NHLRC2: variants seen among roughly 807,000 people sequenced by gnomAD.
NHLRC2 encodes the protein NHL repeat-containing protein 2.
In NHLRC2, 33 loss-of-function variants were observed where a neutral mutation model predicts 68.1. The observed-to-expected ratio is 0.48, with a 90% confidence interval of 0.37 to 0.65. The LOEUF (loss-of-function observed/expected upper bound fraction) is 0.65. Among genes scored for constraint, NHLRC2 ranks in the 30% least tolerant of loss-of-function variants. The pLI is 0.00. For synonymous variants in NHLRC2, 311 were observed against 309.6 expected, an observed-to-expected ratio of 1.00 and a Z score of -0.05; for missense variants, 761 against 853.8, an observed-to-expected ratio of 0.89 and a Z score of 1.35.
chr10:113,855,227 C>T (rs1337253360), intron 1 of NHLRC2, among the ~76,000 whole-genome samples, 177 bp downstream of exon 1: 1 of 152,234 alleles, frequency 6.6e-6, no homozygotes, highest in Non-Finnish European at 1.5e-5. Flanking sequence ...GGTCCCCAAG[C>T]GGCCACCGAC....
At chr10:113,880,715 A>G (rs906936402) in intron 4 of NHLRC2, among the ~76,000 whole-genome samples, 3 of 151,962 alleles carry the variant, frequency 2.0e-5, no homozygotes, top group South Asian at 2.1e-4. Context: ...TGTTTTGTCT[A>G]CTACTGAATC....
At chr10:113,879,939 C>A (rs1467579849) in intron 4 of NHLRC2, among the ~76,000 whole-genome samples, 1 of 151,852 alleles carries the variant, frequency 6.6e-6, no homozygotes, top group African/African-American at 2.4e-5. Flanking sequence ...AGGCTGTGTC[C>A]CTAATCACTC....
chr10:113,897,615 C>T (rs1166789483), intron 5 of NHLRC2, among the ~76,000 whole-genome samples: 1 of 152,132 alleles, frequency 6.6e-6, no homozygotes, highest in Non-Finnish European at 1.5e-5. Flanking sequence ...TGTTCATTTT[C>T]GTAGTCCCGG....
At chr10:113,881,864 C>T (rs538789965) in intron 4 of NHLRC2, among the ~76,000 whole-genome samples, 23 of 151,840 alleles carry the variant, frequency 1.5e-4, no homozygotes, top group African/African-American at 4.8e-4. Flanking sequence ...AGTCCCTGTC[C>T]CCTCCCATCC....
At position 113,913,134 on chromosome 10, in the gene NHLRC2, C is replaced by CA. The variant is rs1846345293; in HGVS notation, c.*4599dup. 6.6e-6 allele frequency: 1 copy of CA among 152,146 alleles called. No individual in the cohort carries two copies. The highest frequency in any genetic ancestry group is 6.5e-5 in the Admixed American group (1 of 15,268). 9.4% of individuals were successfully genotyped at this position (152,146 alleles called of 1,614,324 possible). A position where few individuals can be genotyped will look rare whatever the true frequency, so the allele number is the denominator to read the frequency against. On this transcript the variant is annotated 3_prime_UTR_variant, in exon 11 of 11. Transcript: ENST00000369301. Reference sequence around the variant, plus strand: ...CTTATTTGATTGGTGAAGAAGCACACAGAGAGGGTAAGCATAATCAAATAC... The same window carrying CA: ...CTTATTTGATTGGTGAAGAAGCACACAAGAGAGGGTAAGCATAATCAAATAC...
At chr10:113,882,772 G>A (rs951490841) in intron 4 of NHLRC2, among the ~76,000 whole-genome samples, 1 of 151,776 alleles carries the variant, frequency 6.6e-6, no homozygotes, top group East Asian at 1.9e-4. Flanking sequence ...CTAAATCCAA[G>A]GTCATAATTA....
intron 6 of NHLRC2, among the ~76,000 whole-genome samples, chr10:113,899,368 G>A: frequency 6.6e-6 from 1 of 152,282 alleles, no homozygotes. Flanking sequence ...ATAGAAAGCT[G>A]CTTTTATATA....
intron 5 of NHLRC2, among the ~76,000 whole-genome samples, chr10:113,884,998 T>G (rs1260328729): frequency 6.6e-6 from 1 of 151,810 alleles, no homozygotes; most frequent in East Asian, 1.9e-4. Flanking sequence ...TTTTATTGGC[T>G]CTCAGTGATA....
In NHLRC2 at chr10:113,902,548, C is replaced by T. The variant is rs753750416; in HGVS notation, c.1449C>T (p.Asp483=). Residue 483 remains aspartate, a synonymous_variant, in exon 8 of 11, where the codon GAC becomes GAT. Coordinates refer to ENST00000369301, the MANE Select transcript of NHLRC2 (RefSeq NM_198514.4). ...AACACCCCCTTGGAGTAACATGGGA[C>T]AAAAAAAGGAATTTACTTTATGTTG... The part of the protein sequence containing the change: ...KLQHPLGVTW[D]KKRNLLYVAD... The T allele has an allele frequency of 6.2e-7, 1 of 1,606,354 alleles. No homozygotes were observed. Among genetic ancestry groups the T allele is most frequent in the Non-Finnish European group, 8.5e-7 (1 of 1,175,882 alleles).
rs1191371574 is a variant in NHLRC2, at chr10:113,912,684, A to C, written c.*4148A>C. 6.6e-6 allele frequency: 1 copy of C among 152,198 alleles called. No individual in the cohort carries two copies. Among genetic ancestry groups the C allele is most frequent in the African/African-American group, 2.4e-5 (1 of 41,438 alleles). 9.4% of individuals were successfully genotyped at this position (152,198 alleles called of 1,614,324 possible). On this transcript the variant is annotated 3_prime_UTR_variant, in exon 11 of 11. Transcript: ENST00000369301. ...GCTTTCATGTGTATTGCCTCATTTG[A>C]GCTTCAAATAACCTTATAAATCGGG...
chr10:113,858,732 A>G (rs750803668), intron 2 of NHLRC2, 52 bp downstream of exon 2: 16 of 1,343,138 alleles, frequency 1.2e-5, no homozygotes, highest in Non-Finnish European at 1.6e-5. Flanking sequence ...TAGTCACTGG[A>G]AGAGTGGCTG....
Position 113,884,379 on chromosome 10 carries a change from A to G in NHLRC2, c.1038A>G (p.Ser346=), listed in dbSNP as rs1335105753. 7 of 1,606,102 alleles carry G rather than the reference A, an allele frequency of 4.4e-6. No homozygotes were observed. The Admixed American group carries it at 1.2e-4, about 27-fold the overall frequency. The change falls in exon 5 of 11, where the codon TCA becomes TCG. Residue 346 remains serine (S), a splice_region_variant and synonymous_variant. Transcript: ENST00000369301. Reference sequence around the variant, plus strand: ...CTTGGGATGTAGTTTTTGGAACATCAGGTATGTGAACTTTTGATATTAAAT... The same window carrying G: ...CTTGGGATGTAGTTTTTGGAACATCGGGTATGTGAACTTTTGATATTAAAT... ...SSPWDVVFGT[S]GSEVQRGDIL...
At chr10:113,861,881 AT>A (rs375434447) in intron 2 of NHLRC2, among the ~76,000 whole-genome samples, 14 of 149,588 alleles carry the variant, frequency 9.4e-5, no homozygotes, top group African/African-American at 1.5e-4. Flanking sequence ...TTTTCTATGT[AT>A]TTTTTTTTTG....
rs1022130208 is a variant in NHLRC2 at position 113,908,819 on chromosome 10, A to G, written c.*283A>G. ...TTGGCACAAGACTGAAGTTCACACTACAGTAGAGAATACTATAAGATAATT... is the reference window on the plus strand; with the variant it reads ...TTGGCACAAGACTGAAGTTCACACTGCAGTAGAGAATACTATAAGATAATT... On this transcript the variant is annotated 3_prime_UTR_variant, in exon 11 of 11. Coordinates refer to ENST00000369301, the MANE Select transcript of NHLRC2 (RefSeq NM_198514.4). The G allele has an allele frequency of 2.6e-6, 1 of 387,010 alleles. No individual in the cohort carries two copies. Among genetic ancestry groups the G allele is most frequent in the African/African-American group, 2.0e-5 (1 of 49,652 alleles). 24.0% of individuals were successfully genotyped at this position (387,010 alleles called of 1,614,324 possible).
chr10:113,915,182 G>A lies in NHLRC2; in HGVS notation c.*6646G>A, dbSNP rs1388983813. The A allele has an allele frequency of 6.6e-6, 3 of 456,172 alleles. No individual in the cohort carries two copies. The highest frequency in any genetic ancestry group is 6.9e-5 in the East Asian group (1 of 14,414). The allele number at this position is 456,172 out of a possible 1,614,324, so 28.3% of individuals were successfully genotyped here. ...CTTCACTGGCATGTCGCTTTCAAGT[G>A]TACCAAAGGACATTTTGTTCTGTTG... On this transcript the variant is annotated 3_prime_UTR_variant, in exon 11 of 11. Coordinates refer to ENST00000369301, the MANE Select transcript of NHLRC2 (RefSeq NM_198514.4).
chr10:113,883,651 T>G (rs1846055692), intron 4 of NHLRC2, among the ~76,000 whole-genome samples: 1 of 151,856 alleles, frequency 6.6e-6, no homozygotes, highest in African/African-American at 2.4e-5. Flanking sequence ...AGTTTTTCAG[T>G]TTATAAAGTA....
At chr10:113,906,056 C>T (rs1007446112) in intron 10 of NHLRC2, among the ~76,000 whole-genome samples, 2 of 152,202 alleles carry the variant, frequency 1.3e-5, no homozygotes, top group African/African-American at 4.8e-5. Context: ...AGGTTCAGAG[C>T]AAGTTCTAGA....
intron 4 of NHLRC2, among the ~76,000 whole-genome samples, chr10:113,880,226 T>G (rs1846024173): frequency 6.6e-6 from 1 of 152,074 alleles, no homozygotes; most frequent in African/African-American, 2.4e-5. Context: ...CCATCCACTG[T>G]TAAAGTGTGT....
intron 4 of NHLRC2, among the ~76,000 whole-genome samples, 199 bp from the exon 5 acceptor site, chr10:113,884,052 A>G (rs938061021): frequency 6.6e-6 from 1 of 151,954 alleles, no homozygotes; most frequent in Non-Finnish European, 1.5e-5. Context: ...AGGAATGGAC[A>G]GGTGGGATAT....
Sources: allele counts gnomAD v4.1 joint callset (sites outside exome capture counted in the v4.1 genomes callset), GRCh38; gene constraint gnomAD v4.1.1; transcripts MANE v1.5; gene names NCBI Gene and HGNC (gene_info 2026-07-23, HGNC 2026-07-21).